The following AVPI1 variants were observed in gnomAD, a reference collection of about 807,000 sequenced individuals.
AVPI1 encodes the protein arginine vasopressin induced 1, also known as arginine vasopressin-induced protein 1.
In AVPI1, 9 loss-of-function variants were observed where a neutral mutation model predicts 11.9. The observed-to-expected ratio is 0.76, with a 90% CI of 0.46 to 1.32. The LOEUF is 1.32. Among genes scored for constraint, AVPI1 ranks in the 40% most tolerant of loss-of-function variants. The pLI is 0.00. For synonymous variants in AVPI1, 68 were observed against 78.1 expected (o/e 0.87, Z 0.68); for missense variants, 207 against 195.8 (o/e 1.06, Z -0.34).
intron 1 of AVPI1, among the ~76,000 whole-genome samples, chr10:97,681,600 C>T (rs1408535890): frequency 1.3e-5 from 2 of 150,878 alleles, no homozygotes; most frequent in Admixed American, 6.6e-5. Context: ...AGAATACGGC[C>T]GGGCGCGGTG....
chr10:97,681,907 AAAAG>A (rs2041706822), intron 1 of AVPI1, among the ~76,000 whole-genome samples: 1 of 151,240 alleles, frequency 6.6e-6, no homozygotes, highest in South Asian at 2.1e-4. Flanking sequence ...AAAAAAAAAA[AAAAG>A]AAAAAAAGAA....
At chr10:97,683,161 T>TA (rs2041712903) in intron 1 of AVPI1, among the ~76,000 whole-genome samples, 1 of 152,124 alleles carries the variant, frequency 6.6e-6, no homozygotes, top group South Asian at 2.1e-4. Flanking sequence ...TGCTTTTATT[T>TA]TTATTTTTTT....
At chr10:97,678,972 T>A (rs1200280261) in intron 2 of AVPI1, among the ~76,000 whole-genome samples, 3 of 98,052 alleles carry the variant, frequency 3.1e-5, no homozygotes, top group Non-Finnish European at 2.1e-5. Context: ...TGTGTGTGTG[T>A]GTGTGTGTGT....
At position 97,677,995 on chromosome 10, in the gene AVPI1, G is replaced by A; in HGVS notation, c.318C>T (p.Asn106=). The A allele has an allele frequency of 1.2e-6, 2 of 1,614,182 alleles. No homozygotes were observed. Among genetic ancestry groups the A allele is most frequent in the Non-Finnish European group, 8.5e-7 (1 of 1,180,030 alleles). Residue 106 remains asparagine, a synonymous_variant, in exon 3 of 3, where the codon AAC becomes AAT. Coordinates refer to ENST00000370626, the MANE Select transcript of AVPI1 (RefSeq NM_021732.3). ...RILEPHSALA[N]PQSATETASS... The stretch of plus-strand genomic sequence containing the variant: ...AGGCTGTCTCTGTGGCACTCTGTGG[G>A]TTGGCCAGTGCAGAGTGGGGCTCCA...
intron 1 of AVPI1, among the ~76,000 whole-genome samples, chr10:97,684,928 A>G (rs943418956): frequency 7.2e-5 from 11 of 152,218 alleles, no homozygotes; most frequent in African/African-American, 1.9e-4. Flanking sequence ...GAAATGTCGA[A>G]TCAGAACACT....
At position 97,687,105 on chromosome 10, in the gene AVPI1, G is replaced by C. The variant is rs1003609334; in HGVS notation, c.-350C>G. The C allele has an allele frequency of 1.3e-5, 2 of 152,340 alleles. No homozygotes were observed. The highest frequency in any genetic ancestry group is 2.9e-5 in the Non-Finnish European group (2 of 68,150). 9.4% of individuals were successfully genotyped at this position (152,340 alleles called of 1,614,324 possible). A position where few individuals can be genotyped will look rare whatever the true frequency, so the allele number is the denominator to read the frequency against. ...CACCGCAGCGCCGAGCTGGGCCGCC[G>C]ACCTACGTACCTGGTTGCTTGAGGC... On this transcript the variant is annotated 5_prime_UTR_variant, in exon 1 of 3. Coordinates refer to ENST00000370626, the MANE Select transcript of AVPI1 (RefSeq NM_021732.3).
chr10:97,684,521 G>T, intron 1 of AVPI1, among the ~76,000 whole-genome samples: 1 of 138,090 alleles, frequency 7.2e-6, no homozygotes, highest in South Asian at 2.3e-4. Context: ...TTTTTGAGGC[G>T]GAGTCTCACT....
At chr10:97,680,776 A>G (rs1047582362) in intron 1 of AVPI1, among the ~76,000 whole-genome samples, 5 of 152,236 alleles carry the variant, frequency 3.3e-5, no homozygotes, top group Admixed American at 1.3e-4. Context: ...TTTAGCAAAC[A>G]TAGTATGAAA....
At chr10:97,684,327 A>G (rs2041718630) in intron 1 of AVPI1, among the ~76,000 whole-genome samples, 2 of 152,072 alleles carry the variant, frequency 1.3e-5, no homozygotes, top group Non-Finnish European at 2.9e-5. Flanking sequence ...TGACTTCCCA[A>G]CAACCTCTCC....
At position 97,678,944 on chromosome 10, in the gene AVPI1, T is replaced by A. The variant is rs2041684822; in HGVS notation, c.287+675A>T. Among the ~76,000 whole-genome samples the A allele has an allele frequency of 1.5e-3, 77 of 50,330 alleles. 10 individuals are homozygous for A. Among genetic ancestry groups the A allele is most frequent in the East Asian group, 5.9e-3 (10 of 1,684 alleles). The allele number at this position is 50,330 out of a possible 152,430, so 33.0% of individuals were successfully genotyped here. Reference sequence around the variant, plus strand: ...GTGTGTGTGTGTGTGTGTGTGTGTGTGTGTGTGTGTGTGTGTGTGTGTGTG... The same window carrying A: ...GTGTGTGTGTGTGTGTGTGTGTGTGAGTGTGTGTGTGTGTGTGTGTGTGTG... On this transcript the variant is annotated intron_variant, in intron 2 of 2. Coordinates refer to ENST00000370626, the MANE Select transcript of AVPI1 (RefSeq NM_021732.3).
chr10:97,678,962 T>TCGCC (rs756233781), intron 2 of AVPI1, among the ~76,000 whole-genome samples: 8,454 of 63,704 alleles, frequency 0.13, 1,727 homozygotes, highest in Middle Eastern at 0.3. Context: ...TGTGTGTGTG[T>TCGCC]GTGTGTGTGT....
intron 1 of AVPI1, among the ~76,000 whole-genome samples, chr10:97,682,458 G>C (rs574267625): frequency 6.6e-6 from 1 of 152,246 alleles, no homozygotes; most frequent in South Asian, 2.1e-4. Flanking sequence ...CATCATAAGA[G>C]GCAAACAGTA....
chr10:97,677,866 GGATCAGTGTCTGATCTGGT>G lies in AVPI1; in HGVS notation c.428_*2del, dbSNP rs1382593508. 6.2e-7 allele frequency: 1 copy of G among 1,613,868 alleles called. No homozygotes were observed. Among genetic ancestry groups the G allele is most frequent in the Non-Finnish European group, 8.5e-7 (1 of 1,179,930 alleles). ...CACTGCCATTCCTGGCTCTTTCCCT[GGATCAGTGTCTGATCTGGT>G]GGAGGTAGCTTGTGGGGCCTGACTT... On this transcript the variant is annotated stop_lost and 3_prime_UTR_variant, in exon 3 of 3. Coordinates refer to ENST00000370626, the MANE Select transcript of AVPI1 (RefSeq NM_021732.3).
At chr10:97,678,873 G>GC (rs2041681070) in intron 2 of AVPI1, among the ~76,000 whole-genome samples, 1 of 142,648 alleles carries the variant, frequency 7.0e-6, no homozygotes, top group Non-Finnish European at 1.5e-5. Context: ...TTTTTTGGCG[G>GC]GGGGAGGGTG....
At chr10:97,683,935 G>C (rs1018259853) in intron 1 of AVPI1, among the ~76,000 whole-genome samples, 1 of 152,208 alleles carries the variant, frequency 6.6e-6, no homozygotes, top group Non-Finnish European at 1.5e-5. Flanking sequence ...CCAGTGCTGA[G>C]AGTCAACAAT....
intron 2 of AVPI1, among the ~76,000 whole-genome samples, chr10:97,679,355 G>A (rs1589942851): frequency 6.6e-6 from 1 of 152,010 alleles, no homozygotes; most frequent in African/African-American, 2.4e-5. Flanking sequence ...ATGTTGGTCA[G>A]GCTGGTCTCA....
chr10:97,683,869 C>T (rs1414111100), intron 1 of AVPI1, among the ~76,000 whole-genome samples: 1 of 151,882 alleles, frequency 6.6e-6, no homozygotes, highest in Non-Finnish European at 1.5e-5. Context: ...TGTGGGTCAG[C>T]TTCCCTGTTA....
At chr10:97,684,282 C>T (rs2041718443) in intron 1 of AVPI1, among the ~76,000 whole-genome samples, 1 of 152,140 alleles carries the variant, frequency 6.6e-6, no homozygotes. Flanking sequence ...GATCATGTAG[C>T]AGCAGCTGCC....
rs776218858 is a variant in AVPI1, at chr10:97,679,929, G to A, written c.-10-14C>T. On this transcript the variant is annotated splice_polypyrimidine_tract_variant and intron_variant, in intron 1 of 2. Coordinates refer to ENST00000370626, the MANE Select transcript of AVPI1 (RefSeq NM_021732.3). ...ATTGTGGATGCTCTGAGGATGCAAA[G>A]CATGGAGACATCATCAACTCAGCTG... is the stretch of plus-strand genomic sequence containing the variant. 4 of 1,533,500 alleles carry A rather than the reference G, an allele frequency of 2.6e-6. No individual in the cohort carries two copies. The highest frequency in any genetic ancestry group is 2.0e-5 in the Admixed American group (1 of 50,544). 95.0% of individuals were successfully genotyped at this position (1,533,500 alleles called of 1,614,324 possible). A position where few individuals can be genotyped will look rare whatever the true frequency, so the allele number is the denominator to read the frequency against.
Sources: gnomAD v4.1 joint callset for allele counts (sites outside exome capture counted in the v4.1 genomes callset) on GRCh38, gnomAD v4.1.1 for gene constraint, MANE v1.5 for transcripts, NCBI Gene and HGNC (gene_info 2026-07-23, HGNC 2026-07-21) for gene names.